Variants in GPRASP1 observed in about 807,000 individuals in gnomAD.
GPRASP1 encodes G protein-coupled receptor-associated sorting protein 1.
Under a neutral mutation model 68.4 loss-of-function variants are expected in GPRASP1, and 28 were observed. That is an observed-to-expected ratio of 0.41 (90% confidence interval 0.30 to 0.56). The LOEUF (loss-of-function observed/expected upper bound fraction) is 0.56, where lower values mean the gene tolerates loss of function less well. GPRASP1 is among the 20% of genes least tolerant of loss of function. The pLI, the probability that GPRASP1 is intolerant of heterozygous loss-of-function variation, is 0.29. For missense variants in GPRASP1, 913 were observed against 1,031.5 expected (o/e 0.89, Z 1.57); for synonymous variants, 304 against 358.2 (o/e 0.85, Z 1.71).
rs1402295457 is a variant in GPRASP1 at position 102,652,158 on chromosome X, G to A, written c.-571-17G>A. On this transcript the variant is annotated splice_polypyrimidine_tract_variant and intron_variant, in intron 2 of 5. Transcript: ENST00000537097. ...CCACAGACTCCAGGTTGATGTCAAA[G>A]TCTGTCTGCGCGGTAGGTCTGGCGT... 1 of 113,039 alleles carries A rather than the reference G, an allele frequency of 8.8e-6. No individual in the cohort carries two copies. The highest frequency in any genetic ancestry group is 1.9e-5 in the Non-Finnish European group (1 of 53,349). The allele number at this position is 113,039 out of a possible 1,213,427, so 9.3% of individuals were successfully genotyped here. A position where few individuals can be genotyped will look rare whatever the true frequency, so the allele number is the denominator to read the frequency against.
rs112891247 is a variant in GPRASP1 at position 102,654,043 on chromosome X, G to C, written c.130G>C (p.Ala44Pro). The change falls in exon 6 of 6, where the codon GCC becomes CCC. Residue 44 changes from alanine (A) to proline (P), a missense_variant. By Grantham distance (27) the Ala-to-Pro change is conservative. Coordinates refer to ENST00000537097, the MANE Select transcript of GPRASP1 (RefSeq NM_001184727.2). ...LVVRPKVRTQ[A>P]QIMPGARPKN... ...GGTCAGACCCAAGGTTAGGACCCAG[G>C]CCCAGATAATGCCTGGGGCAAGGCC... The C allele has an allele frequency of 2.3e-3, 2,775 of 1,210,684 alleles. 42 individuals carry two copies. In the African/African-American group the frequency reaches 0.044, roughly 19 times the overall value.
Position 102,657,425 on chromosome X carries a change from T to A in GPRASP1, c.3512T>A (p.Ile1171Asn), listed in dbSNP as rs1454405289. ...LLMEKIRDPFIHEISKIAMGM... is the reference protein window; with the variant it reads ...LLMEKIRDPFNHEISKIAMGM... ...ATGGAAAAAATTCGGGATCCTTTTA[T>A]TCATGAAATATCTAAAATCGCAATG... Residue 1171 changes from isoleucine to asparagine, a missense_variant, in exon 6 of 6, where the codon ATT (isoleucine) becomes AAT (asparagine). By Grantham distance (149) the Ile-to-Asn change is moderately radical (BLOSUM62 -3). Transcript: ENST00000537097. The A allele has an allele frequency of 8.3e-7, 1 of 1,209,958 alleles. No individual in the cohort carries two copies. The highest frequency in any genetic ancestry group is 1.1e-6 in the Non-Finnish European group (1 of 894,989).
Position 102,657,720 on chromosome X carries a change from C to T in GPRASP1, c.3807C>T (p.Asp1269=). 8.3e-7 allele frequency: 1 copy of T among 1,204,252 alleles called. No individual in the cohort carries two copies. The highest frequency in any genetic ancestry group is 1.1e-6 in the Non-Finnish European group (1 of 888,707). Residue 1269 remains aspartate (D), a synonymous_variant, in exon 6 of 6, where the codon GAC becomes GAT. Transcript: ENST00000537097. ...RMIRHLTTTT[D]YHTLVANYMS... ...TTAGACATCTCACTACTACTACTGACTATCACACACTGGTTGCCAATTATA... is the reference window on the plus strand; with the variant it reads ...TTAGACATCTCACTACTACTACTGATTATCACACACTGGTTGCCAATTATA...
Position 102,655,977 on chromosome X carries a change from C to T in GPRASP1, c.2064C>T (p.Ala688=), listed in dbSNP as rs745841783. Residue 688 remains alanine, a synonymous_variant, in exon 6 of 6, where the codon GCC becomes GCT. Transcript: ENST00000537097. ...AAAAAGAACCCTGTATGTATCCTGC[C>T]GGTGGAGGAAGTTGGAAGTCTAGGC... ...WAEKEPCMYP[A]GGGSWKSRPE... The T allele has an allele frequency of 4.4e-5, 53 of 1,209,360 alleles. No individual in the cohort carries two copies. The South Asian group carries it at 4.6e-4, about 10-fold the overall frequency.
At chrX:102,653,375 C>G (rs1185650700) in intron 5 of GPRASP1, 77 bp downstream of exon 5, 4 of 114,286 alleles carry the variant, frequency 3.5e-5, no homozygotes, top group Admixed American at 8.8e-5. Flanking sequence ...AGGGTCCAAT[C>G]TGGGGACTTC....
Position 102,658,429 on chromosome X carries a change from A to G in GPRASP1, c.*328A>G, listed in dbSNP as rs1394929658. 1 of 153,675 alleles carries G rather than the reference A, an allele frequency of 6.5e-6. No homozygotes were observed. Among genetic ancestry groups the G allele is most frequent in the Non-Finnish European group, 1.3e-5 (1 of 74,087 alleles). The allele number at this position is 153,675 out of a possible 1,213,427, so 12.7% of individuals were successfully genotyped here. On this transcript the variant is annotated 3_prime_UTR_variant, in exon 6 of 6. Coordinates refer to ENST00000537097, the MANE Select transcript of GPRASP1 (RefSeq NM_001184727.2). ...ATATTTGAGTGTTGTTTGTGTTTCA[A>G]TAAAGTCCTATGTTAAAGTTGGCAG... is the stretch of plus-strand genomic sequence containing the variant.
At position 102,655,014 on chromosome X, in the gene GPRASP1, A is replaced by C; in HGVS notation, c.1101A>C (p.Ser367=). The change falls in exon 6 of 6, where the codon TCA becomes TCC. Residue 367 remains serine (S), a synonymous_variant. Coordinates refer to ENST00000537097, the MANE Select transcript of GPRASP1 (RefSeq NM_001184727.2). ...CTGAAGAAAATGCTAATACCTTTTCAAGGCCCATGATCAAGAAAGAGGCCA... is the reference window on the plus strand; with the variant it reads ...CTGAAGAAAATGCTAATACCTTTTCCAGGCCCATGATCAAGAAAGAGGCCA... ...FWPEENANTF[S]RPMIKKEARA... 1 of 1,211,858 alleles carries C rather than the reference A, an allele frequency of 8.3e-7. No individual in the cohort carries two copies. Among genetic ancestry groups the C allele is most frequent in the South Asian group, 1.8e-5 (1 of 57,005 alleles).
rs1333715327 is a variant in GPRASP1 at position 102,657,329 on chromosome X, G to T, written c.3416G>T (p.Ser1139Ile). 8.3e-7 allele frequency: 1 copy of T among 1,209,435 alleles called. No individual in the cohort carries two copies. The highest frequency in any genetic ancestry group is 1.8e-5 in the African/African-American group (1 of 57,045). The change falls in exon 6 of 6, where the codon AGT becomes ATT. Residue 1139 changes from serine (S) to isoleucine (I), a missense_variant. Ser to Ile is a moderately radical substitution (Grantham distance 142). Coordinates refer to ENST00000537097, the MANE Select transcript of GPRASP1 (RefSeq NM_001184727.2). The part of the protein sequence containing the change: ...LRAKESTEPE[S>I]SSCNCIQCEL... The stretch of plus-strand genomic sequence containing the variant: ...GCCAAGGAGAGTACAGAGCCTGAGA[G>T]TTCATCCTGTAACTGCATACAATGT...
intron 3 of GPRASP1, among the ~76,000 whole-genome samples, 188 bp from the exon 4 acceptor site, chrX:102,652,643 A>C (rs1411253452): frequency 8.8e-6 from 1 of 113,098 alleles, no homozygotes; most frequent in Non-Finnish European, 1.9e-5. Flanking sequence ...CAAGAGAAGG[A>C]GTTGTTATCT....
Position 102,657,058 on chromosome X carries a change from A to G in GPRASP1, c.3145A>G (p.Thr1049Ala). 8.3e-7 allele frequency: 1 copy of G among 1,211,321 alleles called. No homozygotes were observed. Among genetic ancestry groups the G allele is most frequent in the East Asian group, 3.0e-5 (1 of 33,830 alleles). ...SRRPQSWEEV[T>A]VQFKPGPWGR... ...CAGGCCTCAGAGTTGGGAGGAGGTC[A>G]CTGTTCAGTTCAAGCCTGGTCCATG... The change falls in exon 6 of 6, where the codon ACT becomes GCT. Residue 1049 changes from threonine (T) to alanine (A), a missense_variant. Coordinates refer to ENST00000537097, the MANE Select transcript of GPRASP1 (RefSeq NM_001184727.2).
In GPRASP1 at chrX:102,656,603, T is replaced by C. The variant is rs773351088; in HGVS notation, c.2690T>C (p.Met897Thr). The C allele has an allele frequency of 5.8e-6, 7 of 1,209,235 alleles. No homozygotes were observed. The East Asian group carries it at 1.2e-4, about 20-fold the overall frequency. The change falls in exon 6 of 6, where the codon ATG becomes ACG. Residue 897 changes from methionine to threonine, a missense_variant. By Grantham distance (81) the Met-to-Thr change is moderately conservative. Coordinates refer to ENST00000537097, the MANE Select transcript of GPRASP1 (RefSeq NM_001184727.2). ...GCTGGATCTCAGGCAGTAGAGGAAA[T>C]GGAGTCAGAGACTGAAGAGGAAACC... is the stretch of plus-strand genomic sequence containing the variant. The part of the protein sequence containing the change: ...IQAGSQAVEE[M>T]ESETEEETIF...
In GPRASP1 at chrX:102,654,685, G is replaced by T; in HGVS notation, c.772G>T (p.Val258Phe). 1 of 1,211,701 alleles carries T rather than the reference G, an allele frequency of 8.3e-7. No individual in the cohort carries two copies. The highest frequency in any genetic ancestry group is 1.1e-6 in the Non-Finnish European group (1 of 895,274). ...TAGTTCTGGTTCTGAGGATGAGTCT[G>T]TTAAGACACCCTGGTTCTGGGCCAG... ...ASSSGSEDES[V>F]KTPWFWARDK... is the part of the protein sequence containing the mutation. Residue 258 changes from valine to phenylalanine, a missense_variant, in exon 6 of 6, where the codon GTT (valine) becomes TTT (phenylalanine). Coordinates refer to ENST00000537097, the MANE Select transcript of GPRASP1 (RefSeq NM_001184727.2).
At position 102,657,859 on chromosome X, in the gene GPRASP1, G is replaced by A. The variant is rs769890487; in HGVS notation, c.3946G>A (p.Ala1316Thr). The A allele has an allele frequency of 4.2e-6, 5 of 1,182,594 alleles. No individual in the cohort carries two copies. In the East Asian group the frequency reaches 1.5e-4, roughly 35 times the overall value. Residue 1316 changes from alanine to threonine, a missense_variant, in exon 6 of 6, where the codon GCT becomes ACT. Transcript: ENST00000537097. Reference protein sequence around the residue: ...NLFMTKELLSAEAVSEFIGLF... With the variant: ...NLFMTKELLSTEAVSEFIGLF... ...TTTCATGACAAAAGAACTACTCAGTGCTGAAGCAGTGTCAGAATTTATAGG... is the reference window on the plus strand; with the variant it reads ...TTTCATGACAAAAGAACTACTCAGTACTGAAGCAGTGTCAGAATTTATAGG...
In GPRASP1 at chrX:102,653,305, A is replaced by T. The variant is rs751302007; in HGVS notation, c.-335+7A>T. ...CTGCACCACATAAGTGAAGGTTGGTATGAGAGTGGGTATACTTTTGGGCGG... is the reference window on the plus strand; with the variant it reads ...CTGCACCACATAAGTGAAGGTTGGTTTGAGAGTGGGTATACTTTTGGGCGG... On this transcript the variant is annotated splice_region_variant and intron_variant, in intron 5 of 5. Transcript: ENST00000537097. 1 of 111,876 alleles carries T rather than the reference A, an allele frequency of 8.9e-6. No individual in the cohort carries two copies. Among genetic ancestry groups the T allele is most frequent in the East Asian group, 2.8e-4 (1 of 3,530 alleles). 9.2% of individuals were successfully genotyped at this position (111,876 alleles called of 1,213,427 possible).
In GPRASP1 at chrX:102,658,214, A is replaced by G. The variant is rs778479439; in HGVS notation, c.*113A>G. The G allele has an allele frequency of 2.3e-6, 1 of 431,020 alleles. No individual in the cohort carries two copies. The highest frequency in any genetic ancestry group is 2.5e-5 in the African/African-American group (1 of 40,429). 35.5% of individuals were successfully genotyped at this position (431,020 alleles called of 1,213,427 possible). Reference sequence around the variant, plus strand: ...GTTGCAACATATATCTTTAGTGCTGACACTAACTTTGTCCAACTCTGTCTG... The same window carrying G: ...GTTGCAACATATATCTTTAGTGCTGGCACTAACTTTGTCCAACTCTGTCTG... On this transcript the variant is annotated 3_prime_UTR_variant, in exon 6 of 6. Coordinates refer to ENST00000537097, the MANE Select transcript of GPRASP1 (RefSeq NM_001184727.2).
rs752970458 is a variant in GPRASP1 at position 102,654,334 on chromosome X, C to A, written c.421C>A (p.Leu141Met). The change falls in exon 6 of 6, where the codon CTG (leucine) becomes ATG (methionine). Residue 141 changes from leucine to methionine, a missense_variant. Coordinates refer to ENST00000537097, the MANE Select transcript of GPRASP1 (RefSeq NM_001184727.2). ...AAAGTACCTGTCTGAGGATAGAGAACTGGTTAATACAGACACTGAGAGCTT... is the reference window on the plus strand; with the variant it reads ...AAAGTACCTGTCTGAGGATAGAGAAATGGTTAATACAGACACTGAGAGCTT... ...KTKYLSEDRE[L>M]VNTDTESFPR... The A allele has an allele frequency of 3.3e-6, 4 of 1,209,289 alleles. No individual in the cohort carries two copies. In the African/African-American group the frequency reaches 7.0e-5, roughly 21 times the overall value.
chrX:102,655,511 G>T lies in GPRASP1; in HGVS notation c.1598G>T (p.Gly533Val). 8 of 1,211,633 alleles carry T rather than the reference G, an allele frequency of 6.6e-6. No individual in the cohort carries two copies. The highest frequency in any genetic ancestry group is 8.9e-6 in the Non-Finnish European group (8 of 895,483). ...WVIDAASVESGVGVSCESRTR... is the reference protein window; with the variant it reads ...WVIDAASVESVVGVSCESRTR... ...ATTGATGCGGCCAGTGTGGAATCTG[G>T]TGTTGGGGTCAGCTGTGAGTCCAGG... The change falls in exon 6 of 6, where the codon GGT becomes GTT. Residue 533 changes from glycine to valine, a missense_variant. Gly to Val is a moderately radical substitution (Grantham distance 109). Transcript: ENST00000537097.
At position 102,657,697 on chromosome X, in the gene GPRASP1, A is replaced by C. The variant is rs1203501847; in HGVS notation, c.3784A>C (p.Arg1262=). The change falls in exon 6 of 6, where the codon AGA becomes CGA. Residue 1262 remains arginine (R), a synonymous_variant. Coordinates refer to ENST00000537097, the MANE Select transcript of GPRASP1 (RefSeq NM_001184727.2). ...PEQLSGIRMI[R]HLTTTTDYHT... is the part of the protein sequence containing the mutation. ...ACAGCTGTCTGGAATAAGGATGATT[A>C]GACATCTCACTACTACTACTGACTA... is the stretch of plus-strand genomic sequence containing the variant. The C allele has an allele frequency of 8.3e-7, 1 of 1,210,942 alleles. No individual in the cohort carries two copies. Among genetic ancestry groups the C allele is most frequent in the Admixed American group, 2.2e-5 (1 of 46,092 alleles).
At position 102,655,353 on chromosome X, in the gene GPRASP1, G is replaced by A; in HGVS notation, c.1440G>A (p.Gly480=). The change falls in exon 6 of 6, where the codon GGG becomes GGA. Residue 480 remains glycine (G), a synonymous_variant. Coordinates refer to ENST00000537097, the MANE Select transcript of GPRASP1 (RefSeq NM_001184727.2). ...GAREKTSMKT[G]AEATSESILA... ...GGGAAAAGACCAGTATGAAAACTGG[G>A]GCTGAGGCCACCTCTGAATCTATAC... 8.3e-7 allele frequency: 1 copy of A among 1,211,278 alleles called. No homozygotes were observed. The highest frequency in any genetic ancestry group is 1.1e-6 in the Non-Finnish European group (1 of 894,963).
Sources: allele counts gnomAD v4.1 joint callset (sites outside exome capture counted in the v4.1 genomes callset), GRCh38; gene constraint gnomAD v4.1.1; transcripts MANE v1.5; gene names NCBI Gene and HGNC (gene_info 2026-07-23, HGNC 2026-07-21).